Variants in OTUD4 observed in about 807,000 individuals in gnomAD.
OTUD4 encodes the protein OTU domain-containing protein 4.
In OTUD4, 24 loss-of-function variants were observed where a neutral mutation model predicts 130.4. The ratio of observed to expected loss-of-function variants is 0.18; its 90% CI spans 0.13 to 0.26. OTUD4 has a LOEUF of 0.26. Among genes scored for constraint, OTUD4 ranks in the 10% least tolerant of loss-of-function variants. The probability of loss-of-function intolerance (pLI) is 1.00; values close to 1 mark genes in which losing one functional copy is unlikely to be tolerated. For synonymous variants in OTUD4, 420 were observed against 472.5 expected (o/e 0.89, Z 1.44); for missense variants, 1,031 against 1,329.4 (o/e 0.78, Z 3.49).
intron 1 of OTUD4, among the ~76,000 whole-genome samples, chr4:145,176,752 G>A (rs941918829): frequency 7.9e-5 from 12 of 152,068 alleles, no homozygotes; most frequent in Admixed American, 1.3e-4. Context: ...CGTTTAGCAT[G>A]AGTAGAGCAT....
chr4:145,153,856 T>C (rs1300411279), intron 10 of OTUD4, among the ~76,000 whole-genome samples: 1 of 152,254 alleles, frequency 6.6e-6, no homozygotes, highest in Non-Finnish European at 1.5e-5. Flanking sequence ...AATTCTTTTC[T>C]GAACTTAGTT....
intron 7 of OTUD4, among the ~76,000 whole-genome samples, chr4:145,156,360 T>C (rs146901139): frequency 8.1e-4 from 123 of 152,296 alleles, no homozygotes; most frequent in Non-Finnish European, 1.5e-3. Context: ...AAAGTATCCA[T>C]AGGCAGATTC....
At position 145,164,438 on chromosome 4, in the gene OTUD4, T is replaced by C. The variant is rs187477695; in HGVS notation, c.342-212A>G. On this transcript the variant is annotated intron_variant, in intron 4 of 20. Transcript: ENST00000447906. ...AAATTTCAAATATTATTTGTATATA[T>C]ATTAAATTTCAGATATAATTCTAAA... Among the ~76,000 whole-genome samples, 530 of 152,154 alleles carry C rather than the reference T, an allele frequency of 3.5e-3. 7 individuals are homozygous for C. The highest frequency in any genetic ancestry group is 1.9e-3 in the Non-Finnish European group (132 of 68,000).
intron 19 of OTUD4, among the ~76,000 whole-genome samples, chr4:145,140,327 T>C (rs2126738585): frequency 6.6e-6 from 1 of 152,210 alleles, no homozygotes. Flanking sequence ...AATTAGGAAA[T>C]AAAAATGTTG....
rs1286675992 is a variant in OTUD4, at chr4:145,137,258, G to GC, written c.*171dup. ...AACTGGCAATGCCAGGAATTAACCTGCCCCCTTGAACTCATGTCCAAAATG... is the reference window on the plus strand; with the variant it reads ...AACTGGCAATGCCAGGAATTAACCTGCCCCCCTTGAACTCATGTCCAAAATG... On this transcript the variant is annotated 3_prime_UTR_variant, in exon 21 of 21. Coordinates refer to ENST00000447906, the MANE Select transcript of OTUD4 (RefSeq NM_001366057.1). The GC allele has an allele frequency of 2.0e-6, 1 of 508,874 alleles. No homozygotes were observed. The highest frequency in any genetic ancestry group is 3.5e-5 in the Admixed American group (1 of 28,184). 31.5% of individuals were successfully genotyped at this position (508,874 alleles called of 1,614,324 possible).
chr4:145,158,579 A>G (rs992321996), intron 7 of OTUD4, among the ~76,000 whole-genome samples: 3 of 152,212 alleles, frequency 2.0e-5, no homozygotes, highest in Non-Finnish European at 2.9e-5. Flanking sequence ...AGAATTAGAT[A>G]TCCTAAGCCT....
intron 1 of OTUD4, among the ~76,000 whole-genome samples, chr4:145,177,038 A>G (rs1752461722): frequency 6.6e-6 from 1 of 152,258 alleles, no homozygotes; most frequent in South Asian, 2.1e-4. Context: ...AAAAAGGACT[A>G]TCTATATATA....
At chr4:145,161,489 T>G (rs1289688443) in intron 6 of OTUD4, among the ~76,000 whole-genome samples, 1 of 152,230 alleles carries the variant, frequency 6.6e-6, no homozygotes, top group Non-Finnish European at 1.5e-5. Context: ...CACTGCTTTA[T>G]GACTGATCTG....
At chr4:145,169,985 G>A (rs1363647887) in intron 3 of OTUD4, among the ~76,000 whole-genome samples, 3 of 152,132 alleles carry the variant, frequency 2.0e-5, no homozygotes, top group Non-Finnish European at 2.9e-5. Flanking sequence ...AATGATATAA[G>A]CACTACAGAG....
chr4:145,165,113 G>A, intron 4 of OTUD4, 38 bp downstream of exon 4: 1 of 1,184,410 alleles, frequency 8.4e-7, no homozygotes, highest in Non-Finnish European at 1.2e-6. Flanking sequence ...TTTCCCACTG[G>A]TTTCATTTTC....
At chr4:145,174,849 G>T in intron 1 of OTUD4, 105 bp from the exon 2 acceptor site, 1 of 661,468 alleles carries the variant, frequency 1.5e-6, no homozygotes, top group South Asian at 1.7e-5. Flanking sequence ...TAGATTATCA[G>T]TCTTTCTCCA....
At chr4:145,163,475 A>G (rs1023583315) in intron 5 of OTUD4, among the ~76,000 whole-genome samples, 1 of 152,212 alleles carries the variant, frequency 6.6e-6, no homozygotes, top group African/African-American at 2.4e-5. Context: ...GGAAATATTT[A>G]TGATTACTAA....
intron 13 of OTUD4, among the ~76,000 whole-genome samples, chr4:145,148,104 A>G (rs935878419): frequency 1.3e-5 from 2 of 152,236 alleles, no homozygotes; most frequent in African/African-American, 4.8e-5. Flanking sequence ...CTGCCTTGTC[A>G]CACACCATCA....
intron 10 of OTUD4, among the ~76,000 whole-genome samples, chr4:145,154,999 G>A (rs1751220734): frequency 6.6e-6 from 1 of 152,064 alleles, no homozygotes; most frequent in South Asian, 2.1e-4. Context: ...TCTTTCCTCA[G>A]TCCAACAGTA....
At chr4:145,159,687 A>G (rs768825218) in intron 6 of OTUD4, 52 bp from the exon 7 acceptor site, 1 of 1,561,844 alleles carries the variant, frequency 6.4e-7, no homozygotes, top group East Asian at 2.3e-5. Context: ...GCAGTTTTTT[A>G]AAAACAGGAA....
chr4:145,141,270 T>C lies in OTUD4; in HGVS notation c.2083+109A>G, dbSNP rs983411367. On this transcript the variant is annotated intron_variant, in intron 19 of 20. Transcript: ENST00000447906. ...AAAACTTTGCTGTCCTTCCCATCCT[T>C]GAGCTTACTAAGAAACCAGACCTCT... is the stretch of plus-strand genomic sequence containing the variant. The C allele has an allele frequency of 1.8e-5, 14 of 775,094 alleles. No homozygotes were observed. The Middle Eastern group carries it at 7.5e-4, about 41-fold the overall frequency. 48.0% of individuals were successfully genotyped at this position (775,094 alleles called of 1,614,324 possible).
intron 3 of OTUD4, among the ~76,000 whole-genome samples, chr4:145,167,694 T>TA (rs566631153): frequency 7.9e-4 from 120 of 152,012 alleles, no homozygotes; most frequent in African/African-American, 2.7e-3. Context: ...CCATCTCTAC[T>TA]AAAAAATACA....
chr4:145,164,906 A>G (rs1305654516), intron 4 of OTUD4, among the ~76,000 whole-genome samples: 1 of 152,182 alleles, frequency 6.6e-6, no homozygotes, highest in Non-Finnish European at 1.5e-5. Context: ...TTGATAAGTG[A>G]TATCTTACAG....
chr4:145,167,163 T>C (rs1350077608), intron 3 of OTUD4, among the ~76,000 whole-genome samples: 1 of 152,172 alleles, frequency 6.6e-6, no homozygotes, highest in Non-Finnish European at 1.5e-5. Context: ...TATTTTCCTA[T>C]AGTACTGTGA....
Sources: allele counts gnomAD v4.1 joint callset (sites outside exome capture counted in the v4.1 genomes callset), GRCh38; gene constraint gnomAD v4.1.1; transcripts MANE v1.5; gene names NCBI Gene and HGNC (gene_info 2026-07-23, HGNC 2026-07-21).